Variants in SLC35B4 observed in about 807,000 individuals in gnomAD.
The protein encoded by SLC35B4 is solute carrier family 35 member B4.
Under a neutral mutation model 39.5 loss-of-function variants are expected in SLC35B4, and 28 were observed. The observed-to-expected ratio is 0.71, with a 90% CI of 0.53 to 0.97. The LOEUF (loss-of-function observed/expected upper bound fraction) is 0.97, where lower values mean the gene tolerates loss of function less well. Ranked by LOEUF, SLC35B4 falls within the 50% of genes least tolerant of loss-of-function variation. The probability of loss-of-function intolerance (pLI) is 0.00; values close to 1 mark genes in which losing one functional copy is unlikely to be tolerated. For missense variants in SLC35B4, 334 were observed against 414.3 expected, an observed-to-expected ratio of 0.81 and a Z score of 1.68; for synonymous variants, 145 against 150.4, an observed-to-expected ratio of 0.96 and a Z score of 0.26.
At chr7:134,311,058 A>G (rs1304395045) in intron 1 of SLC35B4, among the ~76,000 whole-genome samples, 1 of 152,248 alleles carries the variant, frequency 6.6e-6, no homozygotes, top group African/African-American at 2.4e-5. Context: ...ATTCTTCTAC[A>G]GAACTAGGCT....
intron 3 of SLC35B4, 47 bp from the exon 4 acceptor site, chr7:134,304,901 A>T (rs1385448202): frequency 6.9e-7 from 1 of 1,442,236 alleles, no homozygotes. Context: ...GCACTAGGAA[A>T]AAAACAACGT....
Position 134,304,853 on chromosome 7 carries a change from C to A in SLC35B4, c.296G>T (p.Gly99Val), listed in dbSNP as rs1257110800. Residue 99 changes from glycine to valine, a missense_variant and splice_region_variant, in exon 4 of 10, where the codon GGT (glycine) becomes GTT (valine). Transcript: ENST00000378509. The stretch of plus-strand genomic sequence containing the variant: ...TAGAATCATGTTGGCAATTAGAGAA[C>A]CCTGCAAAAGGAGACAACAGTAACA... ...AMPLHMIFRS[G>V]SLIANMILGI... 2.5e-6 allele frequency: 4 copies of A among 1,612,330 alleles called. No individual in the cohort carries two copies. In the South Asian group the frequency reaches 3.3e-5, roughly 13 times the overall value.
At chr7:134,316,600 T>C in intron 1 of SLC35B4, 75 bp downstream of exon 1, 1 of 1,479,576 alleles carries the variant, frequency 6.8e-7, no homozygotes, top group Non-Finnish European at 9.2e-7. Flanking sequence ...CGTGGGCGCG[T>C]CCCGGGGGGA....
In SLC35B4 at chr7:134,290,316, C is replaced by CTTAT. The variant is rs1803306217; in HGVS notation, c.*4513_*4516dup. ...GCTTGGAATGTTAAAAATGTTTCCC[C>CTTAT]TTATTTGCTTTCTTGCCAACCCGCT... On this transcript the variant is annotated 3_prime_UTR_variant, in exon 10 of 10. Coordinates refer to ENST00000378509, the MANE Select transcript of SLC35B4 (RefSeq NM_032826.5). 1.3e-5 allele frequency: 2 copies of CTTAT among 152,278 alleles called. No individual in the cohort carries two copies. The highest frequency in any genetic ancestry group is 3.9e-4 in the East Asian group (2 of 5,174). 9.4% of individuals were successfully genotyped at this position (152,278 alleles called of 1,614,324 possible).
chr7:134,316,660 G>C lies in SLC35B4; in HGVS notation c.77+15C>G, dbSNP rs1423432738. 6.5e-7 allele frequency: 1 copy of C among 1,549,284 alleles called. No homozygotes were observed. The highest frequency in any genetic ancestry group is 8.7e-7 in the Non-Finnish European group (1 of 1,146,526). On this transcript the variant is annotated intron_variant, in intron 1 of 9. Coordinates refer to ENST00000378509, the MANE Select transcript of SLC35B4 (RefSeq NM_032826.5). ...CGCCCCGGGAGACCGGGTGCGGCCC[G>C]AGCGGGTCACTCACCGGGCCAGGAG...
chr7:134,301,650 T>C, intron 6 of SLC35B4, 111 bp downstream of exon 6: 1 of 989,530 alleles, frequency 1.0e-6, no homozygotes, highest in Non-Finnish European at 1.6e-6. Context: ...CTCTCTTCCA[T>C]GGCATAATTT....
rs879559959 is a variant in SLC35B4, at chr7:134,316,833, C to T, written c.-82G>A. Reference sequence around the variant, plus strand: ...ACCCCAGGAAGCCGGCCTCCTGCCTCTTCGCTGCGCAGCACATCGCACCGT... The same window carrying T: ...ACCCCAGGAAGCCGGCCTCCTGCCTTTTCGCTGCGCAGCACATCGCACCGT... On this transcript the variant is annotated 5_prime_UTR_variant, in exon 1 of 10. Coordinates refer to ENST00000378509, the MANE Select transcript of SLC35B4 (RefSeq NM_032826.5). 28 of 1,372,868 alleles carry T rather than the reference C, an allele frequency of 2.0e-5. No individual in the cohort carries two copies. The highest frequency in any genetic ancestry group is 2.8e-5 in the Non-Finnish European group (28 of 997,020). The allele number at this position is 1,372,868 out of a possible 1,614,324, so 85.0% of individuals were successfully genotyped here.
chr7:134,316,777 G>T lies in SLC35B4; in HGVS notation c.-26C>A. 6.5e-7 allele frequency: 1 copy of T among 1,541,868 alleles called. No individual in the cohort carries two copies. Among genetic ancestry groups the T allele is most frequent in the Non-Finnish European group, 8.7e-7 (1 of 1,145,662 alleles). ...GGCCGGTGCAGGGTTGGGGAAGCAAGCGCACAGAGTAAGCGCCCGCCTGTA... is the reference window on the plus strand; with the variant it reads ...GGCCGGTGCAGGGTTGGGGAAGCAATCGCACAGAGTAAGCGCCCGCCTGTA... On this transcript the variant is annotated 5_prime_UTR_variant, in exon 1 of 10. Transcript: ENST00000378509.
chr7:134,315,846 G>T (rs536015230), intron 1 of SLC35B4, among the ~76,000 whole-genome samples: 2 of 152,288 alleles, frequency 1.3e-5, no homozygotes, highest in African/African-American at 4.8e-5. Context: ...AGCCAAGAGT[G>T]AAATTCACAA....
intron 3 of SLC35B4, 94 bp downstream of exon 3, chr7:134,306,578 A>T (rs1014006889): frequency 2.0e-6 from 2 of 994,870 alleles, no homozygotes; most frequent in African/African-American, 1.6e-5. Context: ...AAGACCACTT[A>T]CTACAAGAAC....
intron 4 of SLC35B4, 78 bp downstream of exon 4, chr7:134,304,727 G>A: frequency 4.4e-6 from 5 of 1,146,546 alleles, no homozygotes; most frequent in Non-Finnish European, 6.4e-6. Context: ...TTTGGGACAA[G>A]GAATCCAGGT....
chr7:134,305,107 A>G (rs538449123), intron 3 of SLC35B4, among the ~76,000 whole-genome samples: 1 of 152,296 alleles, frequency 6.6e-6, no homozygotes, highest in African/African-American at 2.4e-5. Context: ...GGATCACCTG[A>G]GGTCAGGAGC....
upstream of SLC35B4, chr7:134,317,013 C>G (rs1276461181): frequency 2.0e-6 from 1 of 502,698 alleles, no homozygotes; most frequent in Non-Finnish European, 3.6e-6. Context: ...CCCAGGATGC[C>G]GTGCACCTTT....
At chr7:134,311,600 A>T (rs1308926332) in intron 1 of SLC35B4, among the ~76,000 whole-genome samples, 1 of 152,214 alleles carries the variant, frequency 6.6e-6, no homozygotes, top group Admixed American at 6.5e-5. Context: ...GGTTGCAGTG[A>T]GCCGAGATCA....
At chr7:134,301,984 C>G in intron 5 of SLC35B4, 45 bp downstream of exon 5, 3 of 1,581,886 alleles carry the variant, frequency 1.9e-6, no homozygotes, top group Non-Finnish European at 2.6e-6. Context: ...GTAACTGGGC[C>G]CCAATAGCAA....
intron 3 of SLC35B4, 112 bp from the exon 4 acceptor site, chr7:134,304,966 T>G: frequency 3.1e-4 from 214 of 685,014 alleles, no homozygotes; most frequent in Non-Finnish European, 4.5e-4. Context: ...TGAAGGAAGC[T>G]AGGATGAATA....
intron 3 of SLC35B4, 90 bp downstream of exon 3, chr7:134,306,582 C>CA: frequency 2.8e-6 from 3 of 1,076,828 alleles, no homozygotes; most frequent in Non-Finnish European, 4.0e-6. Flanking sequence ...CCACTTACTA[C>CA]AAGAACCTTC....
At chr7:134,298,206 C>T (rs1222456859) in intron 8 of SLC35B4, among the ~76,000 whole-genome samples, 3 of 152,266 alleles carry the variant, frequency 2.0e-5, no homozygotes, top group Admixed American at 2.0e-4. Context: ...TGCCAATAAT[C>T]TGGTATTCTA....
intron 1 of SLC35B4, among the ~76,000 whole-genome samples, chr7:134,312,210 T>C (rs1222560615): frequency 3.9e-5 from 6 of 152,130 alleles, no homozygotes. Flanking sequence ...TTCTCATCTC[T>C]AAAATGAAAC....
Sources: gnomAD v4.1 joint callset for allele counts (sites outside exome capture counted in the v4.1 genomes callset) on GRCh38, gnomAD v4.1.1 for gene constraint, MANE v1.5 for transcripts, NCBI Gene and HGNC (gene_info 2026-07-23, HGNC 2026-07-21) for gene names.